Variants in MDFIC observed in about 807,000 individuals in gnomAD.
The protein encoded by MDFIC is MyoD family inhibitor domain containing.
Under a neutral mutation model 23.2 loss-of-function variants are expected in MDFIC, and 17 were observed. That is an observed-to-expected ratio of 0.73 (90% CI 0.50 to 1.10). The LOEUF (loss-of-function observed/expected upper bound fraction) is 1.10. Among genes scored for constraint, MDFIC ranks in the 50% least tolerant of loss-of-function variants. The pLI, the probability that MDFIC is intolerant of heterozygous loss-of-function variation, is 0.00. For synonymous variants in MDFIC, 120 were observed against 115.2 expected (o/e 1.04, Z -0.27); for missense variants, 356 against 316.6 (o/e 1.12, Z -0.95).
chr7:114,935,974 TA>T (rs1230126375), intron 2 of MDFIC, among the ~76,000 whole-genome samples: 1 of 152,158 alleles, frequency 6.6e-6, no homozygotes, highest in Admixed American at 6.5e-5. Context: ...AATGTAATAA[TA>T]ATTGCCAGTG....
chr7:114,978,399 A>G (rs2115954178), intron 3 of MDFIC, among the ~76,000 whole-genome samples: 1 of 152,198 alleles, frequency 6.6e-6, no homozygotes, highest in East Asian at 1.9e-4. Flanking sequence ...TACTCTCTCC[A>G]CTTATTTGGG....
In MDFIC at chr7:114,922,276, C is replaced by G; in HGVS notation, c.-468C>G. 2 of 791,176 alleles carry G rather than the reference C, an allele frequency of 2.5e-6. No individual in the cohort carries two copies. Among genetic ancestry groups the G allele is most frequent in the Non-Finnish European group, 3.4e-6 (2 of 586,542 alleles). The allele number at this position is 791,176 out of a possible 1,614,324, so 49.0% of individuals were successfully genotyped here. ...GCCAAGAGTTCGAGGCCTTCCCGAT[C>G]CGGATGTGATGAAAAAGAGCAACAG... On this transcript the variant is annotated 5_prime_UTR_variant, in exon 1 of 5. It adds an upstream start codon to the 5' untranslated region. Transcript: ENST00000393486.
At chr7:114,987,213 G>T (rs1200639349) in intron 4 of MDFIC, among the ~76,000 whole-genome samples, 1 of 152,146 alleles carries the variant, frequency 6.6e-6, no homozygotes, top group Non-Finnish European at 1.5e-5. Flanking sequence ...AATCCTGAAG[G>T]TGGGAAAAGA....
intron 3 of MDFIC, among the ~76,000 whole-genome samples, chr7:114,950,566 T>C (rs1792747013): frequency 1.3e-5 from 2 of 152,014 alleles, no homozygotes; most frequent in South Asian, 2.1e-4. Flanking sequence ...GGTATAGATA[T>C]AGTAAATGAA....
At chr7:114,929,084 G>GATCTATCTATCTATCTATCTGTCTATCT (rs11273513) in intron 2 of MDFIC, among the ~76,000 whole-genome samples, 1 of 147,960 alleles carries the variant, frequency 6.8e-6, no homozygotes, top group African/African-American at 2.5e-5. Flanking sequence ...GATAAATATA[G>GATCTATCTATCTATCTATCTGTCTATCT]ATCTATCTAT....
chr7:114,981,960 GA>G (rs1793424470), intron 4 of MDFIC, among the ~76,000 whole-genome samples: 1 of 152,194 alleles, frequency 6.6e-6, no homozygotes, highest in African/African-American at 2.4e-5. Context: ...AAATTAAAAG[GA>G]AAAACATTCT....
At chr7:114,922,827 T>G in intron 1 of MDFIC, 100 bp from the exon 2 acceptor site, 1 of 1,396,432 alleles carries the variant, frequency 7.2e-7, no homozygotes, top group Non-Finnish European at 9.6e-7. Context: ...CGGGGTGGAG[T>G]TTGAGGGAGG....
At chr7:114,923,310 A>T in intron 2 of MDFIC, 183 bp downstream of exon 2, 2 of 1,136,374 alleles carry the variant, frequency 1.8e-6, no homozygotes, top group Non-Finnish European at 2.5e-6. Flanking sequence ...TAGATCAACA[A>T]CCGGGTAAGA....
intron 4 of MDFIC, among the ~76,000 whole-genome samples, chr7:114,988,479 C>G (rs1444918568): frequency 2.0e-5 from 3 of 152,130 alleles, no homozygotes; most frequent in African/African-American, 7.2e-5. Context: ...GGGATTCAAC[C>G]TCAAGAGCTC....
At chr7:114,969,681 G>C (rs1015423796) in intron 3 of MDFIC, among the ~76,000 whole-genome samples, 1 of 152,136 alleles carries the variant, frequency 6.6e-6, no homozygotes, top group Middle Eastern at 3.2e-3. Flanking sequence ...CTATGGTCTT[G>C]TTTTTGGCTG....
rs757462663 is a variant in MDFIC at position 114,942,315 on chromosome 7, A to G, written c.135A>G (p.Gln45=). The G allele has an allele frequency of 7.1e-5, 112 of 1,586,762 alleles. No individual in the cohort carries two copies. The highest frequency in any genetic ancestry group is 1.4e-4 in the East Asian group (6 of 44,386). ...ACAATACTGAGAAAGATATAACTCA[A>G]GCTACCAATAGCCACTTCACACATG... ...DKDNTEKDIT[Q]ATNSHFTHGE... The change falls in exon 3 of 5, where the codon CAA becomes CAG. Residue 45 remains glutamine, a synonymous_variant. Coordinates refer to ENST00000393486, the MANE Select transcript of MDFIC (RefSeq NM_001166345.3).
intron 3 of MDFIC, among the ~76,000 whole-genome samples, chr7:114,946,225 A>AGT (rs141050062): frequency 0.044 from 6,532 of 149,666 alleles, 417 homozygotes; most frequent in African/African-American, 0.14. Context: ...TAGGAAGAAG[A>AGT]GTGTGTGTGT....
chr7:115,003,293 C>T (rs911282312), intron 4 of MDFIC, among the ~76,000 whole-genome samples: 1 of 152,108 alleles, frequency 6.6e-6, no homozygotes, highest in Non-Finnish European at 1.5e-5. Context: ...CCACCTTTCA[C>T]CCCCCAGCCC....
In MDFIC at chr7:114,923,225, G is replaced by T. The variant is rs76642920; in HGVS notation, c.94+98G>T. 6.8e-4 allele frequency: 980 copies of T among 1,430,816 alleles called. 3 individuals carry two copies. In the African/African-American group the frequency reaches 0.012, roughly 17 times the overall value. 88.6% of individuals were successfully genotyped at this position (1,430,816 alleles called of 1,614,324 possible). A position where few individuals can be genotyped will look rare whatever the true frequency, so the allele number is the denominator to read the frequency against. ...ATAGGGGTGGGGGGAGTGCTGTGAG[G>T]AGGGGCTCCCACTCGTAGTTGAGAA... On this transcript the variant is annotated intron_variant, in intron 2 of 4. Transcript: ENST00000393486.
intron 2 of MDFIC, among the ~76,000 whole-genome samples, chr7:114,931,108 A>G (rs572383535): frequency 2.6e-5 from 4 of 152,068 alleles, no homozygotes; most frequent in Admixed American, 1.3e-4. Flanking sequence ...GTAACACTTT[A>G]TTGAAGTTAC....
rs572447410 is a variant in MDFIC, at chr7:114,995,270, A to G, written c.493+15489A>G. ...TGTCTAATCTTTTTTCAAGGTTTTT[A>G]TCTTCTTTGTGATGGGTTCGAACTT... On this transcript the variant is annotated intron_variant, in intron 4 of 4. Coordinates refer to ENST00000393486, the MANE Select transcript of MDFIC (RefSeq NM_001166345.3). Among the ~76,000 whole-genome samples the G allele has an allele frequency of 6.2e-4, 95 of 152,136 alleles. 1 individual carries two copies. The highest frequency in any genetic ancestry group is 2.0e-3 in the African/African-American group (82 of 41,482).
chr7:114,927,578 AAATT>A (rs1280059271), intron 2 of MDFIC, among the ~76,000 whole-genome samples: 1 of 152,128 alleles, frequency 6.6e-6, no homozygotes, highest in East Asian at 1.9e-4. Flanking sequence ...GCAAAAGTAA[AAATT>A]AATAAGGATG....
At chr7:114,935,004 T>G (rs972710238) in intron 2 of MDFIC, among the ~76,000 whole-genome samples, 2 of 152,196 alleles carry the variant, frequency 1.3e-5, no homozygotes, top group African/African-American at 2.4e-5. Context: ...TTATCTTTGG[T>G]TTTTTAAAGG....
intron 4 of MDFIC, among the ~76,000 whole-genome samples, chr7:115,002,356 C>T (rs1791481414): frequency 6.6e-6 from 1 of 152,208 alleles, no homozygotes; most frequent in Non-Finnish European, 1.5e-5. Context: ...ATAAAAATCA[C>T]TGTCACTATG....
Sources: allele counts gnomAD v4.1 joint callset (sites outside exome capture counted in the v4.1 genomes callset), GRCh38; gene constraint gnomAD v4.1.1; transcripts MANE v1.5; gene names NCBI Gene and HGNC (gene_info 2026-07-23, HGNC 2026-07-21).